SFSWAP: variants seen among roughly 807,000 people sequenced by gnomAD.
The protein encoded by SFSWAP is splicing factor SWAP.
SFSWAP carries 17 observed loss-of-function variants against 100.7 expected under a neutral mutation model. The observed-to-expected ratio is 0.17, with a 90% CI of 0.12 to 0.25. The LOEUF (loss-of-function observed/expected upper bound fraction) is 0.25. Ranked by LOEUF, SFSWAP falls within the 10% of genes least tolerant of loss-of-function variation. The pLI is 1.00. For synonymous variants in SFSWAP, 504 were observed against 510.1 expected, an observed-to-expected ratio of 0.99 and a Z score of 0.16; for missense variants, 1,005 against 1,262.6, an observed-to-expected ratio of 0.80 and a Z score of 3.09.
chr12:131,711,128 T>A lies in SFSWAP; in HGVS notation c.-102T>A, dbSNP rs1220162741. The stretch of plus-strand genomic sequence containing the variant: ...CTATGGCGGCGGTGTTGAGGTTGGG[T>A]ACGGGATGCGGGGTCTTTGACTGAA... On this transcript the variant is annotated 5_prime_UTR_variant, in exon 1 of 18. Coordinates refer to ENST00000261674, the MANE Select transcript of SFSWAP (RefSeq NM_004592.4). The surrounding 1 kb of genome is among the most constrained non-coding windows in gnomAD (Gnocchi z 4.9). The A allele has an allele frequency of 4.3e-6, 4 of 935,644 alleles. No homozygotes were observed. Among genetic ancestry groups the A allele is most frequent in the East Asian group, 2.7e-5 (1 of 37,264 alleles). 58.0% of individuals were successfully genotyped at this position (935,644 alleles called of 1,614,324 possible).
intron 7 of SFSWAP, among the ~76,000 whole-genome samples, chr12:131,739,736 G>C (rs1880424403): frequency 6.6e-6 from 1 of 151,418 alleles, no homozygotes; most frequent in Non-Finnish European, 1.5e-5. Context: ...TAGTAGACAG[G>C]GTTTCACTGT....
chr12:131,763,191 G>A (rs908233193), intron 11 of SFSWAP, among the ~76,000 whole-genome samples: 5 of 152,110 alleles, frequency 3.3e-5, no homozygotes, highest in African/African-American at 9.7e-5. Flanking sequence ...ATGCTAAAGC[G>A]GAAGGACCTC....
chr12:131,788,581 A>C (rs1295407598), intron 15 of SFSWAP, among the ~76,000 whole-genome samples: 5 of 149,718 alleles, frequency 3.3e-5, no homozygotes, highest in Non-Finnish European at 5.9e-5. Context: ...GCTGGAGTGC[A>C]GTGGCGTAAT....
intron 15 of SFSWAP, among the ~76,000 whole-genome samples, chr12:131,787,347 A>G (rs1884967312): frequency 6.6e-6 from 1 of 152,198 alleles, no homozygotes; most frequent in African/African-American, 2.4e-5. Context: ...TGGTGCCGCC[A>G]GTGAGCACTA....
chr12:131,750,027 A>T (rs1366181994), intron 7 of SFSWAP, among the ~76,000 whole-genome samples: 2 of 152,226 alleles, frequency 1.3e-5, no homozygotes, highest in Admixed American at 6.5e-5. Context: ...GGGGAACAGA[A>T]GCCAGGGCAA....
At chr12:131,763,265 A>G (rs1882828139) in intron 11 of SFSWAP, among the ~76,000 whole-genome samples, 2 of 152,236 alleles carry the variant, frequency 1.3e-5, no homozygotes, top group Admixed American at 1.3e-4. Context: ...CATAAGTTGC[A>G]GCCCTTCCAG....
chr12:131,795,800 A>G (rs1276462359), intron 15 of SFSWAP, among the ~76,000 whole-genome samples: 1 of 151,364 alleles, frequency 6.6e-6, no homozygotes, highest in Non-Finnish European at 1.5e-5. Flanking sequence ...AGACACCAGC[A>G]GAGAACCACG....
chr12:131,765,887 C>T (rs1221369052), intron 12 of SFSWAP, among the ~76,000 whole-genome samples: 1 of 152,066 alleles, frequency 6.6e-6, no homozygotes, highest in Non-Finnish European at 1.5e-5. Flanking sequence ...TTCATTATTC[C>T]AGCTTTCGTT....
At chr12:131,756,420 A>T (rs192015767) in intron 10 of SFSWAP, 53 bp from the exon 11 acceptor site, 753 of 1,544,520 alleles carry the variant, frequency 4.9e-4, no homozygotes, top group Non-Finnish European at 6.2e-4. Flanking sequence ...CTCTTTTTTT[A>T]AAATTTCTGT....
At position 131,781,721 on chromosome 12, in the gene SFSWAP, A is replaced by T. The variant is rs902689487; in HGVS notation, c.2408+3391A>T. On this transcript the variant is annotated intron_variant, in intron 14 of 17. Coordinates refer to ENST00000261674, the MANE Select transcript of SFSWAP (RefSeq NM_004592.4). ...AAACACTTTACAGCGTCAGCAGAGC[A>T]AAGTGTTTCCAGAACACTCCAATTT... is the stretch of plus-strand genomic sequence containing the variant. Among the ~76,000 whole-genome samples, 5 of 152,338 alleles carry T rather than the reference A, an allele frequency of 3.3e-5. No individual in the cohort carries two copies. In the East Asian group the frequency reaches 9.6e-4, roughly 29 times the overall value.
chr12:131,759,456 G>T (rs1312510557), intron 11 of SFSWAP, among the ~76,000 whole-genome samples: 1 of 152,162 alleles, frequency 6.6e-6, no homozygotes, highest in East Asian at 1.9e-4. Context: ...TGTAGACCAC[G>T]ATCACTTACA....
chr12:131,715,054 T>C (rs1877763565), intron 3 of SFSWAP, 101 bp downstream of exon 3: 4 of 1,203,336 alleles, frequency 3.3e-6, no homozygotes, highest in South Asian at 1.4e-5. Flanking sequence ...CTGGCACTCA[T>C]GATAGCACCA....
At chr12:131,791,779 T>A (rs55690718) in intron 15 of SFSWAP, among the ~76,000 whole-genome samples, 11,494 of 152,302 alleles carry the variant, frequency 0.075, 492 homozygotes, top group Middle Eastern at 0.13. Context: ...TACTCTTTTT[T>A]AAAAAATAGA....
At position 131,797,338 on chromosome 12, in the gene SFSWAP, G is replaced by C; in HGVS notation, c.2695G>C (p.Gly899Arg). The C allele has an allele frequency of 6.2e-7, 1 of 1,609,698 alleles. No homozygotes were observed. Among genetic ancestry groups the C allele is most frequent in the Non-Finnish European group, 8.5e-7 (1 of 1,178,188 alleles). ...SASVSPVESRGSSQERSRGVS... is the reference protein window; with the variant it reads ...SASVSPVESRRSSQERSRGVS... Reference sequence around the variant, plus strand: ...CAGCGTCTCCCCTGTGGAGAGTCGGGGCTCCAGCCAGGAGCGCTCCAGGTA... The same window carrying C: ...CAGCGTCTCCCCTGTGGAGAGTCGGCGCTCCAGCCAGGAGCGCTCCAGGTA... The change falls in exon 16 of 18, where the codon GGC becomes CGC. Residue 899 changes from glycine to arginine, a missense_variant. Physicochemically the swap from Gly to Arg is moderately radical, Grantham distance 125 (BLOSUM62 -2). Transcript: ENST00000261674.
intron 11 of SFSWAP, among the ~76,000 whole-genome samples, chr12:131,763,835 A>G (rs1882875869): frequency 1.3e-5 from 2 of 151,246 alleles, no homozygotes; most frequent in Non-Finnish European, 2.9e-5. Context: ...TTTTTTTTAA[A>G]GAAAAATGAG....
chr12:131,740,199 C>A (rs1880469163), intron 7 of SFSWAP, among the ~76,000 whole-genome samples: 1 of 152,166 alleles, frequency 6.6e-6, no homozygotes, highest in African/African-American at 2.4e-5. Context: ...GCTTTCATTG[C>A]TCCTATGCTG....
At chr12:131,765,702 C>G (rs1395420538) in intron 12 of SFSWAP, among the ~76,000 whole-genome samples, 1 of 152,082 alleles carries the variant, frequency 6.6e-6, no homozygotes, top group African/African-American at 2.4e-5. Flanking sequence ...TCAAGAACTT[C>G]CATTGTGCTG....
At chr12:131,797,040 A>C (rs1333258209) in intron 15 of SFSWAP, 138 bp from the exon 16 acceptor site, 1 of 689,018 alleles carries the variant, frequency 1.5e-6, no homozygotes, top group Non-Finnish European at 2.5e-6. Context: ...AGAGAAGTTA[A>C]TGGGTTTGGA....
At chr12:131,712,360 C>G (rs972066272) in intron 1 of SFSWAP, 2 of 152,130 alleles carry the variant, frequency 1.3e-5, no homozygotes, top group Admixed American at 6.5e-5. Flanking sequence ...CCCATTTTTT[C>G]AATCCCCCTT....
Sources: gnomAD v4.1 joint callset for allele counts (sites outside exome capture counted in the v4.1 genomes callset) on GRCh38, gnomAD v4.1.1 for gene constraint, Gnocchi (gnomAD v3.1) non-coding constraint, MANE v1.5 for transcripts, NCBI Gene and HGNC (gene_info 2026-07-23, HGNC 2026-07-21) for gene names.